The following ADAMTSL1 variants were observed in gnomAD, a reference collection of about 807,000 sequenced individuals.
The protein encoded by ADAMTSL1 is ADAMTS like 1.
In ADAMTSL1, 126 loss-of-function variants were observed where a neutral mutation model predicts 201.8. The ratio of observed to expected loss-of-function variants is 0.62; its 90% CI spans 0.54 to 0.72. The LOEUF (loss-of-function observed/expected upper bound fraction) is 0.72, where lower values mean the gene tolerates loss of function less well. ADAMTSL1 is among the 30% of genes least tolerant of loss of function. The pLI is 0.00. For synonymous variants in ADAMTSL1, 1,121 were observed against 903.4 expected, an observed-to-expected ratio of 1.24 and a Z score of -4.32; for missense variants, 2,679 against 2,277.8, an observed-to-expected ratio of 1.18 and a Z score of -3.59.
Position 18,480,678 on chromosome 9 carries a change from G to A in ADAMTSL1, c.63+6383G>A, listed in dbSNP as rs1821680155. 2.0e-5 allele frequency among the ~76,000 whole-genome samples: 3 copies of A among 152,256 alleles called. No individual in the cohort carries two copies. The South Asian group carries it at 6.2e-4, about 32-fold the overall frequency. ...CATGCCAGTACTTACTCATAAGTAAGTACTAATACCGTTTTCCATTTATTA... is the reference window on the plus strand; with the variant it reads ...CATGCCAGTACTTACTCATAAGTAAATACTAATACCGTTTTCCATTTATTA... On this transcript the variant is annotated intron_variant, in intron 1 of 28. Coordinates refer to ENST00000380548, the MANE Select transcript of ADAMTSL1 (RefSeq NM_001040272.6).
intron 2 of ADAMTSL1, among the ~76,000 whole-genome samples, chr9:18,275,008 A>C (rs1264829696): frequency 6.6e-6 from 1 of 152,114 alleles, no homozygotes; most frequent in Non-Finnish European, 1.5e-5. Flanking sequence ...ATGAAACCTC[A>C]TCTGGTTGCT....
chr9:18,300,381 C>T (rs531004524), intron 2 of ADAMTSL1, among the ~76,000 whole-genome samples: 2 of 151,124 alleles, frequency 1.3e-5, no homozygotes, highest in Non-Finnish European at 1.5e-5. Flanking sequence ...AAACACCGCA[C>T]GTCCTCACTC....
intron 1 of ADAMTSL1, among the ~76,000 whole-genome samples, chr9:18,134,917 A>G (rs746824376): frequency 2.0e-5 from 3 of 152,178 alleles, no homozygotes; most frequent in Non-Finnish European, 4.4e-5. Flanking sequence ...CACAACTTCA[A>G]TAACTGTAAG....
intron 2 of ADAMTSL1, among the ~76,000 whole-genome samples, chr9:18,241,122 T>C (rs1303078703): frequency 6.6e-6 from 1 of 152,218 alleles, no homozygotes; most frequent in Non-Finnish European, 1.5e-5. Flanking sequence ...AACTTTTCCT[T>C]TGCATTTGAC....
intron 3 of ADAMTSL1, among the ~76,000 whole-genome samples, chr9:18,543,012 A>G (rs1403199540): frequency 1.3e-5 from 2 of 152,164 alleles, no homozygotes; most frequent in Non-Finnish European, 2.9e-5. Flanking sequence ...CTCTAGAAAA[A>G]CAGACTTTCT....
chr9:18,538,432 A>T (rs1400717989), intron 3 of ADAMTSL1, among the ~76,000 whole-genome samples: 1 of 152,122 alleles, frequency 6.6e-6, no homozygotes, highest in African/African-American at 2.4e-5. Flanking sequence ...GAGATTTGAA[A>T]TGAATGACCT....
At chr9:18,784,416 T>C (rs902107654) in intron 19 of ADAMTSL1, among the ~76,000 whole-genome samples, 2 of 152,232 alleles carry the variant, frequency 1.3e-5, no homozygotes, top group Admixed American at 6.5e-5. Context: ...AATAGTTGGA[T>C]GCCCACGATT....
chr9:18,471,835 T>C (rs771159814), upstream of ADAMTSL1, among the ~76,000 whole-genome samples: 2 of 152,180 alleles, frequency 1.3e-5, no homozygotes, highest in Non-Finnish European at 2.9e-5. Flanking sequence ...GCATGCCCAT[T>C]AAAACTTCAA....
chr9:18,669,287 G>T (rs1171347625), intron 9 of ADAMTSL1, among the ~76,000 whole-genome samples: 2 of 152,118 alleles, frequency 1.3e-5, no homozygotes, highest in African/African-American at 4.8e-5. Flanking sequence ...AAAGACCAAG[G>T]AAATATTAGT....
chr9:18,229,267 A>G (rs954247906), intron 2 of ADAMTSL1, among the ~76,000 whole-genome samples: 11 of 152,154 alleles, frequency 7.2e-5, no homozygotes, highest in African/African-American at 2.7e-4. Flanking sequence ...GAACAGTATC[A>G]TGTCAGGATG....
At chr9:18,557,926 G>A (rs1189854556) in intron 3 of ADAMTSL1, among the ~76,000 whole-genome samples, 1 of 151,902 alleles carries the variant, frequency 6.6e-6, no homozygotes, top group East Asian at 1.9e-4. Flanking sequence ...TAATTAAAAA[G>A]CACAGAGGAA....
chr9:17,946,479 A>G (rs996701604), intron 1 of ADAMTSL1, among the ~76,000 whole-genome samples: 1 of 152,138 alleles, frequency 6.6e-6, no homozygotes, highest in African/African-American at 2.4e-5. Context: ...GACATTCTTT[A>G]CTAAACATTT....
chr9:18,788,367 C>T (rs1290410802), intron 19 of ADAMTSL1, among the ~76,000 whole-genome samples: 1 of 151,912 alleles, frequency 6.6e-6, no homozygotes, highest in Non-Finnish European at 1.5e-5. Context: ...CAAACCTTGA[C>T]GTTAATTACC....
chr9:18,902,393 G>C (rs1830063720), intron 26 of ADAMTSL1, among the ~76,000 whole-genome samples: 1 of 152,188 alleles, frequency 6.6e-6, no homozygotes, highest in South Asian at 2.1e-4. Flanking sequence ...TCATAAGAAT[G>C]AATGTATACA....
rs913090485 is a variant in ADAMTSL1, at chr9:18,088,027, A to G, written c.88-75835A>G. Among the ~76,000 whole-genome samples the G allele has an allele frequency of 2.0e-5, 3 of 152,152 alleles. No individual in the cohort carries two copies. The South Asian group carries it at 6.2e-4, about 32-fold the overall frequency. On this transcript the variant is annotated intron_variant, in intron 1 of 29. Transcript: ENST00000680146. The stretch of plus-strand genomic sequence containing the variant: ...GATATATTACAAAGCTATAGTAATT[A>G]AAACTATGTATTTGCATAAGTACAG...
intron 2 of ADAMTSL1, among the ~76,000 whole-genome samples, chr9:18,415,885 A>G (rs1255150329): frequency 1.3e-5 from 2 of 152,100 alleles, no homozygotes; most frequent in Non-Finnish European, 2.9e-5. Context: ...CAAGAAGAGA[A>G]TGGAGCAGTA....
chr9:18,891,704 A>G (rs1829284959), intron 25 of ADAMTSL1, among the ~76,000 whole-genome samples: 1 of 152,226 alleles, frequency 6.6e-6, no homozygotes, highest in South Asian at 2.1e-4. Context: ...GAGATTGACC[A>G]AAATGTGCAG....
chr9:17,943,725 A>G (rs1452775772), intron 1 of ADAMTSL1, among the ~76,000 whole-genome samples: 1 of 152,104 alleles, frequency 6.6e-6, no homozygotes, highest in African/African-American at 2.4e-5. Context: ...TTCTATTAGT[A>G]TCTGTATTAG....
chr9:17,964,946 C>G (rs113051841), intron 1 of ADAMTSL1, among the ~76,000 whole-genome samples: 7,597 of 152,130 alleles, frequency 0.05, 610 homozygotes, highest in African/African-American at 0.17. Context: ...TCTTGGCTCA[C>G]TGCAACCTCT....
Sources: gnomAD v4.1 joint callset for allele counts (sites outside exome capture counted in the v4.1 genomes callset) on GRCh38, gnomAD v4.1.1 for gene constraint, MANE v1.5 for transcripts, NCBI Gene and HGNC (gene_info 2026-07-23, HGNC 2026-07-21) for gene names.